The following CACNG2 variants were observed in gnomAD, a reference collection of about 807,000 sequenced individuals.
CACNG2 encodes the protein voltage-dependent calcium channel gamma-2 subunit.
In CACNG2, 3 loss-of-function variants were observed where a neutral mutation model predicts 25.9. The ratio of observed to expected loss-of-function variants is 0.12; its 90% CI spans 0.05 to 0.30. The LOEUF (loss-of-function observed/expected upper bound fraction) is 0.30. CACNG2 is among the 10% of genes least tolerant of loss of function. The probability of loss-of-function intolerance (pLI) is 1.00; values close to 1 mark genes in which losing one functional copy is unlikely to be tolerated. For synonymous variants in CACNG2, 167 were observed against 173.3 expected (o/e 0.96, Z 0.29); for missense variants, 341 against 432.5 (o/e 0.79, Z 1.88).
chr22:36,614,135 A>G (rs769389341), intron 1 of CACNG2, among the ~76,000 whole-genome samples: 30 of 152,086 alleles, frequency 2.0e-4, no homozygotes, highest in East Asian at 3.9e-4. Flanking sequence ...AAACTCTTTG[A>G]CAAGGTCAAC....
chr22:36,570,467 A>G (rs576995409), intron 2 of CACNG2, among the ~76,000 whole-genome samples: 7 of 152,318 alleles, frequency 4.6e-5, no homozygotes, highest in African/African-American at 1.7e-4. Flanking sequence ...TTGCCCAGAA[A>G]GAAGGCAACA....
chr22:36,697,400 G>A (rs920568196), intron 1 of CACNG2, among the ~76,000 whole-genome samples: 6 of 152,200 alleles, frequency 3.9e-5, no homozygotes, highest in African/African-American at 1.2e-4. Flanking sequence ...GGAGGCCACC[G>A]TGGCTTGGGT....
At chr22:36,696,817 T>G (rs569452133) in intron 1 of CACNG2, among the ~76,000 whole-genome samples, 60 of 152,326 alleles carry the variant, frequency 3.9e-4, no homozygotes, top group African/African-American at 1.4e-3. Flanking sequence ...ATTTAATCCC[T>G]AAGCCAGCAA....
intron 1 of CACNG2, among the ~76,000 whole-genome samples, chr22:36,591,655 G>C (rs976121907): frequency 6.6e-6 from 1 of 152,264 alleles, no homozygotes; most frequent in East Asian, 1.9e-4. Context: ...TCTGGTGACA[G>C]AGCAAGACTC....
intron 1 of CACNG2, among the ~76,000 whole-genome samples, chr22:36,635,585 G>T (rs1569036344): frequency 6.6e-6 from 1 of 152,112 alleles, no homozygotes; most frequent in Non-Finnish European, 1.5e-5. Flanking sequence ...GAAATCCCAG[G>T]AAACTGTAGC....
intron 1 of CACNG2, among the ~76,000 whole-genome samples, chr22:36,629,502 GTGTT>G (rs766655142): frequency 5.3e-5 from 8 of 151,960 alleles, no homozygotes; most frequent in Non-Finnish European, 1.0e-4. Context: ...CTGTGTGTGT[GTGTT>G]TGTGTGTGTG....
chr22:36,568,593 C>CG (rs1185303193), intron 2 of CACNG2, among the ~76,000 whole-genome samples: 1 of 151,120 alleles, frequency 6.6e-6, no homozygotes, highest in African/African-American at 2.4e-5. Flanking sequence ...TTAGTAGAGA[C>CG]GGGGTTTCGC....
chr22:36,630,983 A>C (rs2145958068), intron 1 of CACNG2, among the ~76,000 whole-genome samples: 1 of 152,230 alleles, frequency 6.6e-6, no homozygotes, highest in South Asian at 2.1e-4. Context: ...GGTGCCTGCC[A>C]CCACACTTGG....
intron 1 of CACNG2, among the ~76,000 whole-genome samples, chr22:36,612,043 T>C (rs1345908762): frequency 6.6e-6 from 1 of 152,220 alleles, no homozygotes; most frequent in Non-Finnish European, 1.5e-5. Context: ...GGCTTAATGG[T>C]AAGCACTTTA....
At chr22:36,661,248 T>C (rs144203039) in intron 1 of CACNG2, among the ~76,000 whole-genome samples, 6 of 152,356 alleles carry the variant, frequency 3.9e-5, no homozygotes, top group African/African-American at 1.4e-4. Flanking sequence ...TGTGACTCTC[T>C]GTAGCTCCTC....
chr22:36,680,631 C>G (rs76419104), intron 1 of CACNG2, among the ~76,000 whole-genome samples: 6 of 131,148 alleles, frequency 4.6e-5, no homozygotes, highest in Admixed American at 7.5e-5. Flanking sequence ...ATCACCACCA[C>G]TAACACCACC....
At chr22:36,690,025 T>C (rs571912060) in intron 1 of CACNG2, among the ~76,000 whole-genome samples, 1 of 152,384 alleles carries the variant, frequency 6.6e-6, no homozygotes, top group South Asian at 2.1e-4. Flanking sequence ...TATTTACAGA[T>C]GCACGGCTTT....
chr22:36,610,079 G>A (rs1247703344), intron 1 of CACNG2, among the ~76,000 whole-genome samples: 2 of 151,622 alleles, frequency 1.3e-5, no homozygotes, highest in African/African-American at 2.4e-5. Flanking sequence ...TGATTGGGAG[G>A]AATAAGTCCC....
intron 1 of CACNG2, among the ~76,000 whole-genome samples, chr22:36,654,343 G>A (rs1279856483): frequency 6.6e-6 from 1 of 152,036 alleles, no homozygotes; most frequent in Admixed American, 6.6e-5. Context: ...ACAGCTCACT[G>A]AAGCCTCAAC....
At chr22:36,584,255 C>T (rs924669928) in intron 2 of CACNG2, among the ~76,000 whole-genome samples, 4 of 152,170 alleles carry the variant, frequency 2.6e-5, no homozygotes, top group African/African-American at 9.7e-5. Flanking sequence ...AATTTAAGAC[C>T]AGCCAGGCTA....
chr22:36,702,628 G>A lies in CACNG2; in HGVS notation c.-52C>T. On this transcript the variant is annotated 5_prime_UTR_variant, in exon 1 of 4. Transcript: ENST00000300105. ...CGACTTCTGGTTCTCGGGAGAGTGT[G>A]TGTGAGGGTGCAAGTACTAAAGCCA... The A allele has an allele frequency of 6.9e-7, 1 of 1,450,828 alleles. No homozygotes were observed. The highest frequency in any genetic ancestry group is 9.7e-7 in the Non-Finnish European group (1 of 1,031,210). The allele number at this position is 1,450,828 out of a possible 1,614,324, so 89.9% of individuals were successfully genotyped here. A position where few individuals can be genotyped will look rare whatever the true frequency, so the allele number is the denominator to read the frequency against.
intron 2 of CACNG2, among the ~76,000 whole-genome samples, chr22:36,576,011 T>G (rs1157846232): frequency 2.0e-5 from 3 of 152,248 alleles, no homozygotes; most frequent in Non-Finnish European, 4.4e-5. Context: ...CATCTTCTCC[T>G]TCCACGCTGT....
chr22:36,590,363 G>C (rs1241878399), intron 1 of CACNG2, among the ~76,000 whole-genome samples: 1 of 152,154 alleles, frequency 6.6e-6, no homozygotes, highest in Non-Finnish European at 1.5e-5. Context: ...TGTTTTAAAG[G>C]CACTGAACAT....
At chr22:36,670,647 T>TTTGTG (rs1936936744) in intron 1 of CACNG2, among the ~76,000 whole-genome samples, 3 of 152,142 alleles carry the variant, frequency 2.0e-5, no homozygotes, top group Non-Finnish European at 4.4e-5. Flanking sequence ...TTTGTTTTGT[T>TTTGTG]TTTTGAGACT....
Sources: allele counts gnomAD v4.1 joint callset (sites outside exome capture counted in the v4.1 genomes callset), GRCh38; gene constraint gnomAD v4.1.1; transcripts MANE v1.5; gene names NCBI Gene and HGNC (gene_info 2026-07-23, HGNC 2026-07-21).